Variants in FAM110B observed in about 807,000 individuals in gnomAD.
FAM110B encodes family with sequence similarity 110 member B.
A neutral mutation model predicts 20.4 loss-of-function variants in FAM110B; 6 were observed. The observed-to-expected ratio is 0.29, with a 90% CI of 0.16 to 0.58. The LOEUF (loss-of-function observed/expected upper bound fraction) is 0.58. Among genes scored for constraint, FAM110B ranks in the 20% least tolerant of loss-of-function variants. The pLI is 0.90. For synonymous variants in FAM110B, 226 were observed against 214.1 expected, an observed-to-expected ratio of 1.06 and a Z score of -0.49; for missense variants, 434 against 498.2, an observed-to-expected ratio of 0.87 and a Z score of 1.23.
chr8:58,025,388 C>T (rs1804835278), intron 1 of FAM110B, among the ~76,000 whole-genome samples: 1 of 152,116 alleles, frequency 6.6e-6, no homozygotes, highest in Non-Finnish European at 1.5e-5. Context: ...CAAGAAGAAG[C>T]ATGGCCTGAT....
chr8:58,140,180 G>C (rs1035355814), intron 3 of FAM110B, among the ~76,000 whole-genome samples: 4 of 152,060 alleles, frequency 2.6e-5, no homozygotes, highest in African/African-American at 9.7e-5. Flanking sequence ...GGGAAGCTGG[G>C]AACGACTCAT....
At chr8:58,046,916 A>G (rs966392832) in intron 2 of FAM110B, among the ~76,000 whole-genome samples, 1 of 152,206 alleles carries the variant, frequency 6.6e-6, no homozygotes, top group Non-Finnish European at 1.5e-5. Flanking sequence ...GAGAATTTGT[A>G]CTATAGGACA....
At chr8:58,097,305 C>G (rs1806657541) in intron 3 of FAM110B, among the ~76,000 whole-genome samples, 1 of 152,158 alleles carries the variant, frequency 6.6e-6, no homozygotes, top group South Asian at 2.1e-4. Flanking sequence ...ACATCAGTCT[C>G]TGATATCCTT....
At chr8:58,139,687 G>A (rs1803697005) in intron 3 of FAM110B, among the ~76,000 whole-genome samples, 1 of 152,170 alleles carries the variant, frequency 6.6e-6, no homozygotes, top group Non-Finnish European at 1.5e-5. Flanking sequence ...AAATACTTGG[G>A]GAGGCCGAGG....
At chr8:58,078,983 T>C (rs1297752895) in intron 3 of FAM110B, among the ~76,000 whole-genome samples, 3 of 152,078 alleles carry the variant, frequency 2.0e-5, no homozygotes, top group East Asian at 1.9e-4. Flanking sequence ...CCCAGACACC[T>C]TTTTTTTCCA....
rs188128282 is a variant in FAM110B, at chr8:58,013,271, G to T, written c.-511-18335G>T. On this transcript the variant is annotated intron_variant, in intron 1 of 3. Transcript: ENST00000519262. ...AAGATGGAGTATCATCAGTATCATC[G>T]CAAGAAATGTCAAGTCTGGCAGAAG... Among the ~76,000 whole-genome samples, 14 of 152,162 alleles carry T rather than the reference G, an allele frequency of 9.2e-5. No individual in the cohort carries two copies. The East Asian group carries it at 2.7e-3, about 29-fold the overall frequency.
intron 3 of FAM110B, among the ~76,000 whole-genome samples, chr8:58,099,721 A>G (rs932776288): frequency 6.7e-6 from 1 of 149,478 alleles, no homozygotes; most frequent in African/African-American, 2.5e-5. Flanking sequence ...CTGTATGTAT[A>G]TCAAACTGTG....
intron 3 of FAM110B, among the ~76,000 whole-genome samples, chr8:58,100,313 T>A (rs1806746486): frequency 6.6e-6 from 1 of 152,040 alleles, no homozygotes; most frequent in African/African-American, 2.4e-5. Flanking sequence ...ATCAGATACA[T>A]TCTGAAGCTG....
At chr8:58,133,851 A>G (rs1803547818) in intron 3 of FAM110B, among the ~76,000 whole-genome samples, 1 of 152,236 alleles carries the variant, frequency 6.6e-6, no homozygotes, top group Non-Finnish European at 1.5e-5. Context: ...CAAGGAGCTT[A>G]ATGGCAGAGC....
chr8:58,081,404 G>A (rs1806187974), intron 3 of FAM110B, among the ~76,000 whole-genome samples: 1 of 151,986 alleles, frequency 6.6e-6, no homozygotes, highest in Admixed American at 6.6e-5. Context: ...ACAGGGCTTC[G>A]CCATATTGGA....
At chr8:58,053,713 T>A (rs189977589) in intron 2 of FAM110B, among the ~76,000 whole-genome samples, 47 of 152,378 alleles carry the variant, frequency 3.1e-4, no homozygotes, top group African/African-American at 1.0e-3. Context: ...TTTATCTCAA[T>A]GATTTTTATG....
At chr8:58,086,972 A>G (rs541548621) in intron 3 of FAM110B, among the ~76,000 whole-genome samples, 5 of 152,250 alleles carry the variant, frequency 3.3e-5, no homozygotes, top group Non-Finnish European at 4.4e-5. Context: ...TTGATGGGAC[A>G]CATAGCACGT....
At position 58,117,512 on chromosome 8, in the gene FAM110B, G is replaced by A. The variant is rs566257312; in HGVS notation, c.-324-28395G>A. 1.2e-3 allele frequency among the ~76,000 whole-genome samples: 190 copies of A among 152,278 alleles called. 1 individual carries two copies. The highest frequency in any genetic ancestry group is 2.1e-3 in the Non-Finnish European group (142 of 68,022). The stretch of plus-strand genomic sequence containing the variant: ...AGTCATGAGAAGCATCTATAGTGGA[G>A]CCAGCCTGCCTTGTTCAAATTCCAA... On this transcript the variant is annotated intron_variant, in intron 3 of 3. Transcript: ENST00000519262.
intron 2 of FAM110B, among the ~76,000 whole-genome samples, chr8:58,065,592 G>T (rs1805743493): frequency 6.6e-6 from 1 of 152,090 alleles, no homozygotes; most frequent in Admixed American, 6.6e-5. Context: ...TTATTAGGTT[G>T]TAATATGTCA....
intron 1 of FAM110B, among the ~76,000 whole-genome samples, chr8:58,004,605 C>T (rs1648891630): frequency 6.6e-6 from 1 of 152,188 alleles, no homozygotes; most frequent in African/African-American, 2.4e-5. Context: ...ATTAGCCAGG[C>T]CTGGTTGTGC....
At chr8:58,013,185 C>T (rs1214366153) in intron 1 of FAM110B, among the ~76,000 whole-genome samples, 1 of 152,218 alleles carries the variant, frequency 6.6e-6, no homozygotes, top group African/African-American at 2.4e-5. Flanking sequence ...AAAGATTTCT[C>T]TCTTTACTGC....
rs1370925473 is a variant in FAM110B at position 58,092,573 on chromosome 8, A to G, written c.-325+16950A>G. Among the ~76,000 whole-genome samples, 5 of 152,236 alleles carry G rather than the reference A, an allele frequency of 3.3e-5. No individual in the cohort carries two copies. The South Asian group carries it at 1.0e-3, about 32-fold the overall frequency. On this transcript the variant is annotated intron_variant, in intron 3 of 3. Coordinates refer to ENST00000519262, the MANE Select transcript of FAM110B (RefSeq NM_001377989.1). ...GTCCATGTCCCTGCAAAGGACATGA[A>G]CTCATCCTTTTTTATGACTACATAG...
chr8:58,094,530 T>C (rs1806570705), intron 3 of FAM110B, among the ~76,000 whole-genome samples: 1 of 152,252 alleles, frequency 6.6e-6, no homozygotes, highest in Non-Finnish European at 1.5e-5. Context: ...TCATTGGTTC[T>C]ATTTAGGTGA....
chr8:58,141,058 C>T (rs911819504), intron 3 of FAM110B, among the ~76,000 whole-genome samples: 1 of 152,072 alleles, frequency 6.6e-6, no homozygotes, highest in Non-Finnish European at 1.5e-5. Context: ...GTAAAGAATC[C>T]AAAAGTTCAC....
Sources: gnomAD v4.1 joint callset for allele counts (sites outside exome capture counted in the v4.1 genomes callset) on GRCh38, gnomAD v4.1.1 for gene constraint, MANE v1.5 for transcripts, NCBI Gene and HGNC (gene_info 2026-07-23, HGNC 2026-07-21) for gene names.